The following UMOD variants were observed in gnomAD, a reference collection of about 807,000 sequenced individuals.
UMOD encodes Tamm-Horsfall urinary glycoprotein.
A neutral mutation model predicts 66.0 loss-of-function variants in UMOD; 64 were observed. That is an observed-to-expected ratio of 0.97 (90% CI 0.79 to 1.19). The LOEUF (loss-of-function observed/expected upper bound fraction) is 1.19, where lower values mean the gene tolerates loss of function less well. UMOD is among the 50% of genes most tolerant of loss of function. UMOD has a pLI of 0.00. For missense variants in UMOD, 764 were observed against 850.9 expected (o/e 0.90, Z 1.27); for synonymous variants, 398 against 352.7 (o/e 1.13, Z -1.44).
chr16:20,342,780 G>C (rs550924950), intron 6 of UMOD, among the ~76,000 whole-genome samples: 1 of 152,328 alleles, frequency 6.6e-6, no homozygotes, highest in Admixed American at 6.5e-5. Context: ...AGTTTGATGA[G>C]ATGTTCCAGG....
chr16:20,344,365 G>T (rs1965418477), intron 5 of UMOD, among the ~76,000 whole-genome samples, 193 bp from the exon 6 acceptor site: 4 of 152,128 alleles, frequency 2.6e-5, no homozygotes. Flanking sequence ...CACTTTGGGA[G>T]GCCGAGGCAG....
chr16:20,351,683 G>A (rs1965899947), intron 1 of UMOD, among the ~76,000 whole-genome samples: 1 of 152,120 alleles, frequency 6.6e-6, no homozygotes, highest in African/African-American at 2.4e-5. Flanking sequence ...GGGTCCTAGA[G>A]CAACGTTTTC....
At chr16:20,338,052 C>T (rs1280618019) in intron 7 of UMOD, among the ~76,000 whole-genome samples, 1 of 152,226 alleles carries the variant, frequency 6.6e-6, no homozygotes, top group African/African-American at 2.4e-5. Flanking sequence ...TGCCATTCCG[C>T]ACTCTTTCCT....
At position 20,348,819 on chromosome 16, in the gene UMOD, C is replaced by T; in HGVS notation, c.482G>A (p.Cys161Tyr). The T allele has an allele frequency of 6.5e-7, 1 of 1,546,034 alleles. No individual in the cohort carries two copies. Among genetic ancestry groups the T allele is most frequent in the Non-Finnish European group, 8.7e-7 (1 of 1,146,626 alleles). The change falls in exon 3 of 11, where the codon TGC becomes TAC. Residue 161 changes from cysteine to tyrosine, a missense_variant. Coordinates refer to ENST00000396138, the MANE Select transcript of UMOD (RefSeq NM_003361.4). ...CACGAGCGCGTCGCCCTCGGGCACG[C>T]AGTCCAACCCCGGCCCGCAGGAGCC... ...SPGSCGPGLD[C>Y]VPEGDALVCA... is the part of the protein sequence containing the mutation.
intron 2 of UMOD, 110 bp from the exon 3 acceptor site, chr16:20,349,322 A>G (rs1193998425): frequency 1.6e-6 from 2 of 1,239,086 alleles, no homozygotes; most frequent in Non-Finnish European, 2.3e-6. Context: ...CTTATTCCCT[A>G]GAGGGCTCCC....
At chr16:20,338,267 G>A (rs966466502) in intron 7 of UMOD, among the ~76,000 whole-genome samples, 3 of 152,152 alleles carry the variant, frequency 2.0e-5, no homozygotes, top group African/African-American at 4.8e-5. Flanking sequence ...AGGGCTCCAC[G>A]TGCTCAAGCC....
intron 4 of UMOD, 104 bp from the exon 5 acceptor site, chr16:20,346,438 G>T: frequency 8.7e-7 from 1 of 1,145,274 alleles, no homozygotes; most frequent in Non-Finnish European, 1.3e-6. Context: ...CCATCTGGAA[G>T]TGCTCAGCAT....
At chr16:20,349,801 C>G in intron 2 of UMOD, 2 of 1,550,162 alleles carry the variant, frequency 1.3e-6, no homozygotes, top group Middle Eastern at 1.7e-4. Flanking sequence ...TCATCAGGAC[C>G]CTGCTCAGTG....
chr16:20,335,587 A>G, intron 9 of UMOD, 67 bp from the exon 10 acceptor site: 2 of 1,499,842 alleles, frequency 1.3e-6, no homozygotes, highest in Non-Finnish European at 9.3e-7. Context: ...TCCTGACAGA[A>G]ACCCCTTCAA....
At position 20,349,084 on chromosome 16, in the gene UMOD, C is replaced by T. The variant is rs1394304982; in HGVS notation, c.217G>A (p.Gly73Arg). The change falls in exon 3 of 11, where the codon GGA becomes AGA. Residue 73 changes from glycine to arginine, a missense_variant. By Grantham distance (125) the Gly-to-Arg change is moderately radical (BLOSUM62 -2). Transcript: ENST00000396138. ...CTGTTGGCGGAGCAGTTGTGAGCTCCAGGAATGGCGCACTCATCCAGGTCC... is the reference window on the plus strand; with the variant it reads ...CTGTTGGCGGAGCAGTTGTGAGCTCTAGGAATGGCGCACTCATCCAGGTCC... The part of the protein sequence containing the change: ...CVDLDECAIP[G>R]AHNCSANSSC... The T allele has an allele frequency of 1.2e-6, 2 of 1,612,848 alleles. No homozygotes were observed. Among genetic ancestry groups the T allele is most frequent in the Non-Finnish European group, 8.5e-7 (1 of 1,179,480 alleles).
chr16:20,346,421 CT>C, intron 4 of UMOD, 87 bp from the exon 5 acceptor site: 2 of 1,357,110 alleles, frequency 1.5e-6, no homozygotes, highest in African/African-American at 1.4e-5. Flanking sequence ...GCTGGCTGGG[CT>C]GACCACCATC....
At chr16:20,351,874 C>T (rs1402276949) in intron 1 of UMOD, among the ~76,000 whole-genome samples, 1 of 151,560 alleles carries the variant, frequency 6.6e-6, no homozygotes, top group Non-Finnish European at 1.5e-5. Context: ...AAAAATTAGC[C>T]GGGCATGGTG....
intron 7 of UMOD, among the ~76,000 whole-genome samples, chr16:20,339,633 C>T (rs553395108): frequency 3.8e-4 from 58 of 152,208 alleles, no homozygotes; most frequent in Non-Finnish European, 2.5e-4. Context: ...CAGAAACAGA[C>T]CACTGTCTCT....
At chr16:20,352,325 C>T (rs971596432) in intron 1 of UMOD, among the ~76,000 whole-genome samples, 4 of 151,980 alleles carry the variant, frequency 2.6e-5, no homozygotes, top group African/African-American at 4.8e-5. Flanking sequence ...TTTTATGACC[C>T]GCTAATAAGA....
chr16:20,351,509 G>T (rs545235332), intron 1 of UMOD: 1 of 155,086 alleles, frequency 6.4e-6, no homozygotes, highest in African/African-American at 2.4e-5. Flanking sequence ...GCCTGCACCT[G>T]AGGTTCAAAT....
chr16:20,343,129 CAATAAATAAATA>C (rs147846395), intron 6 of UMOD, among the ~76,000 whole-genome samples: 1 of 115,794 alleles, frequency 8.6e-6, no homozygotes, highest in Admixed American at 8.9e-5. Context: ...GACTCCGTCT[CAATAAATAAATA>C]AATAAATAAA....
In UMOD at chr16:20,343,940, G is replaced by A. The variant is rs1174296146; in HGVS notation, c.1331+84C>T. 2.6e-6 allele frequency: 4 copies of A among 1,528,334 alleles called. No individual in the cohort carries two copies. The African/African-American group carries it at 4.1e-5, about 16-fold the overall frequency. The allele number at this position is 1,528,334 out of a possible 1,614,324, so 94.7% of individuals were successfully genotyped here. ...CAGCCCTCACTCCCAGCTCCCTGTG[G>A]GTGGCAGTTGACAGGGAAGCTCATG... is the stretch of plus-strand genomic sequence containing the variant. On this transcript the variant is annotated intron_variant, in intron 6 of 10. Coordinates refer to ENST00000396138, the MANE Select transcript of UMOD (RefSeq NM_003361.4).
At position 20,341,368 on chromosome 16, in the gene UMOD, G is replaced by A. The variant is rs377101492; in HGVS notation, c.1332-32C>T. On this transcript the variant is annotated intron_variant, in intron 6 of 10. Coordinates refer to ENST00000396138, the MANE Select transcript of UMOD (RefSeq NM_003361.4). ...GGGGAGAAGGGTTGGTGAGAGGACC[G>A]GGCTGAGAACATCTGCAGATAGGCC... 72 of 1,610,398 alleles carry A rather than the reference G, an allele frequency of 4.5e-5. 1 individual carries two copies. Among genetic ancestry groups the A allele is most frequent in the Non-Finnish European group, 5.9e-5 (70 of 1,179,970 alleles).
intron 7 of UMOD, among the ~76,000 whole-genome samples, chr16:20,339,560 T>C (rs924644281): frequency 3.9e-5 from 6 of 152,072 alleles, no homozygotes; most frequent in Non-Finnish European, 8.8e-5. Flanking sequence ...CAAAGGGAGA[T>C]TCCAAAGACG....
Sources: gnomAD v4.1 joint callset for allele counts (sites outside exome capture counted in the v4.1 genomes callset) on GRCh38, gnomAD v4.1.1 for gene constraint, MANE v1.5 for transcripts, NCBI Gene and HGNC (gene_info 2026-07-23, HGNC 2026-07-21) for gene names.